MCHR2: variants seen among roughly 807,000 people sequenced by gnomAD.
The protein encoded by MCHR2 is melanin-concentrating hormone receptor 2.
Under a neutral mutation model 24.8 loss-of-function variants are expected in MCHR2, and 15 were observed. That is an observed-to-expected ratio of 0.60 (90% confidence interval 0.40 to 0.93). MCHR2 has a LOEUF of 0.93. Ranked by LOEUF, MCHR2 falls within the 40% of genes least tolerant of loss-of-function variation. The probability of loss-of-function intolerance (pLI) is 0.00; values close to 1 mark genes in which losing one functional copy is unlikely to be tolerated. For synonymous variants in MCHR2, 151 were observed against 147.6 expected (o/e 1.02, Z -0.17); for missense variants, 386 against 408.7 (o/e 0.94, Z 0.48).
intron 2 of MCHR2, among the ~76,000 whole-genome samples, chr6:99,948,906 C>T (rs1422255192): frequency 1.3e-4 from 20 of 152,040 alleles, no homozygotes; most frequent in Admixed American, 1.3e-3. Context: ...GAGATCCAGA[C>T]AGTGAGAGTC....
In MCHR2 at chr6:99,989,133, C is replaced by A. The variant is rs1775820212; in HGVS notation, c.-28+4803G>T. Among the ~76,000 whole-genome samples the A allele has an allele frequency of 3.9e-5, 6 of 152,152 alleles. 1 individual carries two copies. The South Asian group carries it at 1.2e-3, about 32-fold the overall frequency. ...GGGTCTAAGATCATATGAAATACAC[C>A]ACAGGTTTAAAATTACTACCTACCA... On this transcript the variant is annotated intron_variant, in intron 1 of 5. Transcript: ENST00000281806.
chr6:99,954,409 G>C (rs1054920123), intron 2 of MCHR2, among the ~76,000 whole-genome samples: 4 of 152,096 alleles, frequency 2.6e-5, no homozygotes, highest in East Asian at 1.9e-4. Context: ...AATCTGAAAT[G>C]CTCCAAAATC....
chr6:99,948,485 A>C (rs1465480203), intron 2 of MCHR2, among the ~76,000 whole-genome samples: 2 of 152,148 alleles, frequency 1.3e-5, no homozygotes, highest in East Asian at 3.9e-4. Context: ...CTACCTTGGA[A>C]GTAGATCCTC....
Position 99,985,594 on chromosome 6 carries a change from T to A in MCHR2, c.-28+8342A>T, listed in dbSNP as rs192072503. Among the ~76,000 whole-genome samples the A allele has an allele frequency of 5.0e-3, 756 of 152,192 alleles. 3 individuals are homozygous for A. Among genetic ancestry groups the A allele is most frequent in the Middle Eastern group, 0.017 (5 of 294 alleles). On this transcript the variant is annotated intron_variant, in intron 1 of 5. Transcript: ENST00000281806. Reference sequence around the variant, plus strand: ...CACTGGGGAAGTACACCCTATTAAATAAATGGTACTGGGAAAATTGAATAG... The same window carrying A: ...CACTGGGGAAGTACACCCTATTAAAAAAATGGTACTGGGAAAATTGAATAG...
intron 5 of MCHR2, among the ~76,000 whole-genome samples, chr6:99,930,027 AGGCCTGG>A: frequency 6.7e-6 from 1 of 150,326 alleles, no homozygotes; most frequent in South Asian, 2.1e-4. Flanking sequence ...CTTTTAGGGC[AGGCCTGG>A]TGGTGACAAA....
chr6:99,927,078 T>C (rs1393997143), intron 5 of MCHR2, among the ~76,000 whole-genome samples: 2 of 152,032 alleles, frequency 1.3e-5, no homozygotes, highest in African/African-American at 4.8e-5. Flanking sequence ...CCCGGCACCA[T>C]TTATTAAATA....
intron 1 of MCHR2, among the ~76,000 whole-genome samples, chr6:99,958,275 C>A (rs1259880799): frequency 7.7e-6 from 1 of 129,476 alleles, no homozygotes; most frequent in East Asian, 3.5e-4. Context: ...GGACAATTGC[C>A]TGTCTAAATG....
At chr6:99,944,310 G>T (rs1273164270) in intron 3 of MCHR2, among the ~76,000 whole-genome samples, 2 of 152,166 alleles carry the variant, frequency 1.3e-5, no homozygotes, top group African/African-American at 2.4e-5. Flanking sequence ...AACAAGTTCA[G>T]ATTCAGAAGG....
At chr6:99,983,715 G>C (rs9321826) in intron 1 of MCHR2, among the ~76,000 whole-genome samples, 40,681 of 151,564 alleles carry the variant, frequency 0.27, 6,332 homozygotes, top group East Asian at 0.55. Context: ...TCCTTGACAT[G>C]ATGCTCACTT....
intron 1 of MCHR2, among the ~76,000 whole-genome samples, chr6:99,960,378 A>G (rs1347750502): frequency 6.6e-6 from 1 of 152,224 alleles, no homozygotes; most frequent in African/African-American, 2.4e-5. Flanking sequence ...GATAGGAAGA[A>G]TCAATATGGT....
In MCHR2 at chr6:99,943,147, C is replaced by T; in HGVS notation, c.393-4G>A. The stretch of plus-strand genomic sequence containing the variant: ...TGGTTGGACGAGGGCAAAGTACCTG[C>T]AAAGGCAGTCAGGAAGAGTTTTGGA... On this transcript the variant is annotated splice_polypyrimidine_tract_variant and splice_region_variant and intron_variant, in intron 3 of 5. Transcript: ENST00000281806. 3 of 1,603,248 alleles carry T rather than the reference C, an allele frequency of 1.9e-6. No homozygotes were observed. The highest frequency in any genetic ancestry group is 2.6e-6 in the Non-Finnish European group (3 of 1,173,504).
chr6:99,949,534 A>G (rs149177150), intron 2 of MCHR2, among the ~76,000 whole-genome samples: 116 of 152,302 alleles, frequency 7.6e-4, no homozygotes, highest in Non-Finnish European at 1.6e-3. Flanking sequence ...CAACTTCTAT[A>G]GCCTGTGAAC....
intron 5 of MCHR2, 80 bp downstream of exon 5, chr6:99,934,318 C>T (rs918313533): frequency 8.9e-6 from 12 of 1,351,012 alleles, no homozygotes; most frequent in Admixed American, 8.5e-5. Flanking sequence ...TTTCAAGTCA[C>T]TGTTGCCTAA....
chr6:99,957,330 A>T (rs1246810588), intron 1 of MCHR2, among the ~76,000 whole-genome samples: 1 of 152,146 alleles, frequency 6.6e-6, no homozygotes, highest in African/African-American at 2.4e-5. Context: ...ATTTTTTATC[A>T]TCAGTAGATT....
chr6:99,991,332 C>T (rs1251526688), intron 1 of MCHR2, among the ~76,000 whole-genome samples: 1 of 152,128 alleles, frequency 6.6e-6, no homozygotes. Flanking sequence ...TCCTGACAGC[C>T]CTCACCAGCA....
intron 3 of MCHR2, among the ~76,000 whole-genome samples, chr6:99,947,394 G>T (rs1046884074): frequency 2.0e-5 from 3 of 152,086 alleles, no homozygotes; most frequent in African/African-American, 7.2e-5. Flanking sequence ...AATTCTCTAT[G>T]TGCTTCTAGC....
intron 1 of MCHR2, among the ~76,000 whole-genome samples, chr6:99,991,048 T>C (rs1410448625): frequency 6.6e-6 from 1 of 151,568 alleles, no homozygotes; most frequent in East Asian, 1.9e-4. Context: ...GAAAGGGTGG[T>C]AACCCCAGGG....
intron 3 of MCHR2, among the ~76,000 whole-genome samples, chr6:99,947,289 A>G (rs1774888825): frequency 6.6e-6 from 1 of 152,170 alleles, no homozygotes; most frequent in African/African-American, 2.4e-5. Context: ...CCTTAGAGCT[A>G]TGAGGCAATA....
In MCHR2 at chr6:99,974,520, T is replaced by C. The variant is rs1392305099; in HGVS notation, c.-27-18346A>G. On this transcript the variant is annotated intron_variant, in intron 1 of 5. Transcript: ENST00000281806. ...ATTGGTTTGAATTTCCTCCTGTAGCTTGGAGTAGTTTGATTGGCTGGAGCC... is the reference window on the plus strand; with the variant it reads ...ATTGGTTTGAATTTCCTCCTGTAGCCTGGAGTAGTTTGATTGGCTGGAGCC... Among the ~76,000 whole-genome samples the C allele has an allele frequency of 2.6e-5, 4 of 152,312 alleles. No individual in the cohort carries two copies. In the South Asian group the frequency reaches 6.2e-4, roughly 24 times the overall value.
Sources: allele counts gnomAD v4.1 joint callset (sites outside exome capture counted in the v4.1 genomes callset), GRCh38; gene constraint gnomAD v4.1.1; transcripts MANE v1.5; gene names NCBI Gene and HGNC (gene_info 2026-07-23, HGNC 2026-07-21).